Variants in DLAT observed in about 807,000 individuals in gnomAD.
DLAT encodes dihydrolipoyllysine-residue acetyltransferase component of pyruvate dehydrogenase complex, mitochondrial.
Under a neutral mutation model 68.0 loss-of-function variants are expected in DLAT, and 43 were observed. The observed-to-expected ratio is 0.63, with a 90% CI of 0.50 to 0.81. DLAT has a LOEUF of 0.81. Among genes scored for constraint, DLAT ranks in the 40% least tolerant of loss-of-function variants. The probability of loss-of-function intolerance (pLI) is 0.00; values close to 1 mark genes in which losing one functional copy is unlikely to be tolerated. For synonymous variants in DLAT, 265 were observed against 288.6 expected (o/e 0.92, Z 0.83); for missense variants, 745 against 815.4 (o/e 0.91, Z 1.05).
chr11:112,064,166 A>G lies in DLAT; in HGVS notation c.*1631A>G, dbSNP rs782809422. 6.4e-7 allele frequency: 1 copy of G among 1,565,486 alleles called. No homozygotes were observed. The highest frequency in any genetic ancestry group is 8.7e-7 in the Non-Finnish European group (1 of 1,155,338). On this transcript the variant is annotated 3_prime_UTR_variant, in exon 14 of 14. Transcript: ENST00000280346. ...AATATGATCCAAATCTGGTTCAAAC[A>G]TTCAAAACTTCAAAGATAATTCATC...
intron 4 of DLAT, chr11:112,030,297 A>G (rs1377158590): frequency 7.3e-6 from 4 of 546,390 alleles, no homozygotes; most frequent in East Asian, 9.8e-5. Context: ...TGTGCGGCCA[A>G]CTTCCTGACT....
intron 11 of DLAT, among the ~76,000 whole-genome samples, chr11:112,053,851 ATTTTACTT>A (rs1863816607): frequency 6.6e-6 from 1 of 151,888 alleles, no homozygotes; most frequent in East Asian, 1.9e-4. Flanking sequence ...TTTTTCATTT[ATTTTACTT>A]TATTGACTGA....
At chr11:112,026,150 G>C in intron 1 of DLAT, 48 bp from the exon 2 acceptor site, 1 of 1,358,316 alleles carries the variant, frequency 7.4e-7, no homozygotes, top group Non-Finnish European at 1.0e-6. Context: ...CAGACTGAGA[G>C]TTAGGTAGTC....
At position 112,064,094 on chromosome 11, in the gene DLAT, T is replaced by A; in HGVS notation, c.*1559T>A. 1 of 1,258,096 alleles carries A rather than the reference T, an allele frequency of 7.9e-7. No individual in the cohort carries two copies. Among genetic ancestry groups the A allele is most frequent in the Non-Finnish European group, 1.1e-6 (1 of 919,348 alleles). The allele number at this position is 1,258,096 out of a possible 1,614,324, so 77.9% of individuals were successfully genotyped here. Reference sequence around the variant, plus strand: ...TTTTTCAGTAATTAGTAATTTTAGGTTGAAGATTATCCAAAAGAAACAAGC... The same window carrying A: ...TTTTTCAGTAATTAGTAATTTTAGGATGAAGATTATCCAAAAGAAACAAGC... On this transcript the variant is annotated 3_prime_UTR_variant, in exon 14 of 14. Transcript: ENST00000280346.
chr11:112,026,491 C>T (rs1466946423), intron 2 of DLAT, among the ~76,000 whole-genome samples, 192 bp downstream of exon 2: 1 of 151,980 alleles, frequency 6.6e-6, no homozygotes, highest in Non-Finnish European at 1.5e-5. Flanking sequence ...GTGTTTGTGT[C>T]CCTGGGTACT....
chr11:112,027,280 G>A (rs1201137925), intron 2 of DLAT, among the ~76,000 whole-genome samples: 4 of 135,610 alleles, frequency 2.9e-5, no homozygotes, highest in Non-Finnish European at 5.9e-5. Flanking sequence ...GCCGGGTAGA[G>A]GCGCTCCTCA....
chr11:112,039,372 A>G lies in DLAT; in HGVS notation c.1104A>G (p.Lys368=). ...TTGCAAAGAAGTTGGCAGTAGAGAAAGGGATTGATCTTACACAAGTAAAAG... is the reference window on the plus strand; with the variant it reads ...TTGCAAAGAAGTTGGCAGTAGAGAAGGGGATTGATCTTACACAAGTAAAAG... ...SPLAKKLAVE[K]GIDLTQVKGT... is the part of the protein sequence containing the mutation. Residue 368 remains lysine, a synonymous_variant, in exon 7 of 14, where the codon AAA becomes AAG. Coordinates refer to ENST00000280346, the MANE Select transcript of DLAT (RefSeq NM_001931.5). 1.2e-6 allele frequency: 2 copies of G among 1,614,152 alleles called. No homozygotes were observed. Among genetic ancestry groups the G allele is most frequent in the Non-Finnish European group, 1.7e-6 (2 of 1,179,992 alleles).
At chr11:112,036,167 ATG>A (rs1311809853) in intron 5 of DLAT, among the ~76,000 whole-genome samples, 3,324 of 82,466 alleles carry the variant, frequency 0.04, 155 homozygotes, top group Middle Eastern at 0.083. Flanking sequence ...GTGTGTATAT[ATG>A]TGTGTGTGTG....
At chr11:112,028,078 G>C (rs144642483) in intron 2 of DLAT, among the ~76,000 whole-genome samples, 1 of 152,204 alleles carries the variant, frequency 6.6e-6, no homozygotes. Context: ...TTCACAACTT[G>C]ATGTTAGACA....
At position 112,051,285 on chromosome 11, in the gene DLAT, T is replaced by G; in HGVS notation, c.1450T>G (p.Ser484Ala). 6.2e-7 allele frequency: 1 copy of G among 1,613,614 alleles called. No individual in the cohort carries two copies. Among genetic ancestry groups the G allele is most frequent in the Non-Finnish European group, 8.5e-7 (1 of 1,179,974 alleles). ...ISVNDFIIKA[S>A]ALACLKVPEA... Reference sequence around the variant, plus strand: ...TGTCAATGACTTCATCATAAAAGCTTCAGCTTTGGCATGTTTAAAAGTTCC... The same window carrying G: ...TGTCAATGACTTCATCATAAAAGCTGCAGCTTTGGCATGTTTAAAAGTTCC... Residue 484 changes from serine (S) to alanine (A), a missense_variant, in exon 11 of 14, where the codon TCA becomes GCA. Coordinates refer to ENST00000280346, the MANE Select transcript of DLAT (RefSeq NM_001931.5). The surrounding 1 kb of genome is among the most constrained non-coding windows in gnomAD (Gnocchi z 4.3).
At chr11:112,059,480 C>A (rs1177072553) in intron 11 of DLAT, among the ~76,000 whole-genome samples, 1 of 151,916 alleles carries the variant, frequency 6.6e-6, no homozygotes, top group East Asian at 1.9e-4. Flanking sequence ...GCAACCTCCA[C>A]CTCCCAGGTT....
At chr11:112,047,894 A>C (rs1863408580) in intron 10 of DLAT, among the ~76,000 whole-genome samples, 1 of 152,222 alleles carries the variant, frequency 6.6e-6, no homozygotes, top group Non-Finnish European at 1.5e-5. Context: ...GAAGTCAGGT[A>C]GCATGATGCC....
chr11:112,036,202 T>TGTG (rs61074225), intron 5 of DLAT, among the ~76,000 whole-genome samples: 68 of 21,208 alleles, frequency 3.2e-3, no homozygotes, highest in African/African-American at 0.011. Context: ...TGTGTGTGTG[T>TGTG]TTTTTTTTTT....
At chr11:112,045,727 G>T in intron 9 of DLAT, 136 bp from the exon 10 acceptor site, 1 of 635,150 alleles carries the variant, frequency 1.6e-6, no homozygotes, top group Non-Finnish European at 2.8e-6. Context: ...TATTATGGCG[G>T]AGTCCTCCAT....
intron 4 of DLAT, among the ~76,000 whole-genome samples, chr11:112,032,042 A>G (rs1347417449): frequency 6.6e-6 from 1 of 151,250 alleles, no homozygotes; most frequent in Non-Finnish European, 1.5e-5. Context: ...CACCATGCCC[A>G]GCTAATTTTG....
In DLAT at chr11:112,039,286, C is replaced by G; in HGVS notation, c.1018C>G (p.Pro340Ala). ...PPTPQPLAPT[P>A]SAPCPATPAG... ...AACTCCCCAGCCTTTAGCTCCTACA[C>G]CTTCAGCACCCTGCCCAGCTACTCC... Residue 340 changes from proline to alanine, a missense_variant, in exon 7 of 14, where the codon CCT (proline) becomes GCT (alanine). Coordinates refer to ENST00000280346, the MANE Select transcript of DLAT (RefSeq NM_001931.5). The G allele has an allele frequency of 6.2e-7, 1 of 1,614,116 alleles. No homozygotes were observed. Among genetic ancestry groups the G allele is most frequent in the African/African-American group, 1.3e-5 (1 of 75,020 alleles).
At chr11:112,042,846 A>T (rs1440095329) in intron 7 of DLAT, among the ~76,000 whole-genome samples, 3 of 152,232 alleles carry the variant, frequency 2.0e-5, no homozygotes, top group Non-Finnish European at 4.4e-5. Flanking sequence ...TGAAAAAGCT[A>T]TGAGTCATAG....
chr11:112,043,383 C>T (rs1863143240), intron 7 of DLAT, 83 bp from the exon 8 acceptor site: 5 of 1,287,006 alleles, frequency 3.9e-6, no homozygotes, highest in Non-Finnish European at 5.7e-6. Flanking sequence ...CCCTTAGGAG[C>T]TTGCAGTTTA....
intron 5 of DLAT, among the ~76,000 whole-genome samples, chr11:112,034,473 C>T (rs1426744630): frequency 2.0e-5 from 3 of 149,164 alleles, no homozygotes; most frequent in Admixed American, 6.7e-5. Flanking sequence ...GACGGAGTCT[C>T]GCTGTGTTGC....
Sources: gnomAD v4.1 joint callset for allele counts (sites outside exome capture counted in the v4.1 genomes callset) on GRCh38, gnomAD v4.1.1 for gene constraint, Gnocchi (gnomAD v3.1) non-coding constraint, MANE v1.5 for transcripts, NCBI Gene and HGNC (gene_info 2026-07-23, HGNC 2026-07-21) for gene names.